Variants in OTOG observed in about 807,000 individuals in gnomAD.
OTOG encodes the protein otogelin.
In OTOG, 296 loss-of-function variants were observed where a neutral mutation model predicts 313.8. The observed-to-expected ratio is 0.94, with a 90% CI of 0.86 to 1.04. OTOG has a LOEUF of 1.04. OTOG is among the 50% of genes least tolerant of loss of function. OTOG has a pLI of 0.00. For synonymous variants in OTOG, 1,533 were observed against 1,554.9 expected, an observed-to-expected ratio of 0.99 and a Z score of 0.33; for missense variants, 3,948 against 3,840.1, an observed-to-expected ratio of 1.03 and a Z score of -0.74.
Position 17,634,113 on chromosome 11 carries a change from TG to T in OTOG, c.7314del (p.Trp2438Ter). The T allele has an allele frequency of 6.5e-7, 1 of 1,548,664 alleles. No individual in the cohort carries two copies. The highest frequency in any genetic ancestry group is 8.7e-7 in the Non-Finnish European group (1 of 1,146,900). On this transcript the variant is annotated frameshift_variant, in exon 44 of 56. Transcript: ENST00000399397. LOFTEE classifies it high-confidence loss of function. The stretch of plus-strand genomic sequence containing the variant: ...GGTGCCGAGGGCCCTGGGGGAGACC[TG>T]GAACAGCTCCCTCAGCGGCTGCTGC... ...MGVPRALGETWNSSLSGCCQH... is the reference protein window; with the variant it reads ...MGVPRALGETXNSSLSGCCQH...
At chr11:17,561,209 G>A in intron 14 of OTOG, 72 bp downstream of exon 14, 3 of 1,516,702 alleles carry the variant, frequency 2.0e-6, no homozygotes, top group Non-Finnish European at 2.7e-6. Flanking sequence ...AGGAATCTCT[G>A]GGGGCCAGGC....
chr11:17,558,164 G>A (rs1326292558), intron 8 of OTOG, 21 bp from the exon 9 acceptor site: 2 of 1,550,026 alleles, frequency 1.3e-6, no homozygotes, highest in Admixed American at 3.9e-5. Flanking sequence ...GCCCCATCAT[G>A]ATGTCAGCTC....
intron 47 of OTOG, among the ~76,000 whole-genome samples, chr11:17,638,184 T>G (rs1229116542): frequency 6.6e-6 from 1 of 152,128 alleles, no homozygotes; most frequent in Non-Finnish European, 1.5e-5. Flanking sequence ...TCTTGCAGGG[T>G]GACTGCAGAT....
In OTOG at chr11:17,639,428, G is replaced by C; in HGVS notation, c.7900G>C (p.Asp2634His). The C allele has an allele frequency of 6.4e-7, 1 of 1,550,740 alleles. No individual in the cohort carries two copies. The highest frequency in any genetic ancestry group is 8.7e-7 in the Non-Finnish European group (1 of 1,147,020). ...RCCPYKSCECDCDTIPVPRCH... is the reference protein window; with the variant it reads ...RCCPYKSCECHCDTIPVPRCH... ...TGGCCCCTTGTGTTTTTCAGAATGT[G>C]ACTGTGACACAATCCCGGTGCCCCG... Residue 2634 changes from aspartate (D) to histidine (H), a missense_variant, in exon 49 of 56, where the codon GAC (aspartate) becomes CAC (histidine). Coordinates refer to ENST00000399397, the MANE Select transcript of OTOG (RefSeq NM_001292063.2).
intron 24 of OTOG, 102 bp from the exon 25 acceptor site, chr11:17,591,348 G>T: frequency 1.4e-6 from 2 of 1,443,988 alleles, no homozygotes; most frequent in Non-Finnish European, 9.2e-7. Flanking sequence ...TCTTTGCCGA[G>T]GGACACAGTG....
intron 5 of OTOG, 60 bp downstream of exon 5, chr11:17,553,271 G>A (rs1851983779): frequency 1.3e-6 from 2 of 1,534,854 alleles, no homozygotes; most frequent in African/African-American, 2.7e-5. Flanking sequence ...AAGCTAGGGA[G>A]AAAGGGAGCA....
At chr11:17,639,298 A>C in intron 48 of OTOG, 125 bp from the exon 49 acceptor site, 2 of 997,270 alleles carry the variant, frequency 2.0e-6, no homozygotes, top group Non-Finnish European at 1.5e-6. Context: ...CTCCTCTCCC[A>C]GGCCTGGCCT....
Position 17,612,737 on chromosome 11 carries a change from A to G in OTOG, c.6410A>G (p.His2137Arg). The stretch of plus-strand genomic sequence containing the variant: ...AGCCCAGATGAAATGCTCACCGTCC[A>G]TGTACTGGACTGCAAAAGTGCCAAC... Reference protein sequence around the residue: ...SQSPDEMLTVHVLDCKSANLG... With the variant: ...SQSPDEMLTVRVLDCKSANLG... Residue 2137 changes from histidine to arginine, a missense_variant, in exon 38 of 56, where the codon CAT (histidine) becomes CGT (arginine). His to Arg is a conservative substitution (Grantham distance 29). Coordinates refer to ENST00000399397, the MANE Select transcript of OTOG (RefSeq NM_001292063.2). 6 of 1,550,552 alleles carry G rather than the reference A, an allele frequency of 3.9e-6. No individual in the cohort carries two copies. Among genetic ancestry groups the G allele is most frequent in the African/African-American group, 1.4e-5 (1 of 73,164 alleles).
intron 25 of OTOG, among the ~76,000 whole-genome samples, chr11:17,591,881 G>A (rs566958221): frequency 1.3e-5 from 2 of 152,158 alleles, no homozygotes; most frequent in Non-Finnish European, 2.9e-5. Context: ...GCTTTATTAT[G>A]TACCTAGGGG....
intron 22 of OTOG, among the ~76,000 whole-genome samples, chr11:17,577,818 C>T (rs1479352194): frequency 3.9e-5 from 6 of 152,298 alleles, no homozygotes; most frequent in East Asian, 1.9e-4. Flanking sequence ...AGATCACTCA[C>T]GCAGTGTGAA....
At chr11:17,632,649 TC>T (rs1168795510) in intron 42 of OTOG, among the ~76,000 whole-genome samples, 1 of 152,136 alleles carries the variant, frequency 6.6e-6, no homozygotes, top group East Asian at 1.9e-4. Context: ...TCCCTCTGCT[TC>T]CTTTTTGCTC....
Position 17,610,195 on chromosome 11 carries a change from C to T in OTOG, c.4895C>T (p.Thr1632Met), listed in dbSNP as rs781263629. ...VRGHGSLPVR[T>M]TPPQPSLTAS... ...GGCCATGGCTCCTTGCCTGTTAGGA[C>T]GACACCCCCACAGCCCTCCTTGACA... Residue 1632 changes from threonine to methionine, a missense_variant, in exon 36 of 56, where the codon ACG becomes ATG. Transcript: ENST00000399397. 7.7e-6 allele frequency: 12 copies of T among 1,550,534 alleles called. No individual in the cohort carries two copies. Among genetic ancestry groups the T allele is most frequent in the Middle Eastern group, 1.7e-4 (1 of 5,992 alleles).
intron 18 of OTOG, 52 bp from the exon 19 acceptor site, chr11:17,573,026 A>G: frequency 1.4e-6 from 2 of 1,450,522 alleles, no homozygotes; most frequent in Non-Finnish European, 1.9e-6. Context: ...ATCCTGGGAC[A>G]CCAGGTAGAC....
chr11:17,576,781 C>T (rs753504007), intron 21 of OTOG, 87 bp from the exon 22 acceptor site: 66 of 1,511,752 alleles, frequency 4.4e-5, no homozygotes, highest in East Asian at 3.2e-4. Context: ...TTTCTGAACT[C>T]TGCAGTGACC....
chr11:17,553,329 T>C, intron 5 of OTOG, 36 bp from the exon 6 acceptor site: 1 of 1,485,900 alleles, frequency 6.7e-7, no homozygotes. Flanking sequence ...GTGCCCACTG[T>C]AGCTACACAG....
At position 17,606,333 on chromosome 11, in the gene OTOG, A is replaced by G. The variant is rs543072302; in HGVS notation, c.4156+198A>G. 5.3e-5 allele frequency among the ~76,000 whole-genome samples: 8 copies of G among 152,378 alleles called. No homozygotes were observed. In the South Asian group the frequency reaches 1.7e-3, roughly 32 times the overall value. On this transcript the variant is annotated intron_variant, in intron 33 of 55. Transcript: ENST00000399397. ...GTTGACAGCTTAGGGAGCCACGGAC[A>G]GTGTGCTTGGGGTCCAGCCAATTTC...
chr11:17,586,426 C>T, intron 23 of OTOG, 48 bp from the exon 24 acceptor site: 2 of 1,175,560 alleles, frequency 1.7e-6, no homozygotes, highest in Non-Finnish European at 2.2e-6. Flanking sequence ...CAGATGGCAG[C>T]TATGGGAAGA....
Position 17,640,835 on chromosome 11 carries a change from C to A in OTOG, c.8011+15C>A. 6.5e-7 allele frequency: 1 copy of A among 1,550,180 alleles called. No homozygotes were observed. The highest frequency in any genetic ancestry group is 8.7e-7 in the Non-Finnish European group (1 of 1,146,986). On this transcript the variant is annotated intron_variant, in intron 50 of 55. Transcript: ENST00000399397. The stretch of plus-strand genomic sequence containing the variant: ...GTACGAGTGTGGTGAGTGGGGGAAG[C>A]CTCGGGGCAGAGCCATGCAGGAGGG...
chr11:17,636,174 T>C (rs1854262035), intron 47 of OTOG, among the ~76,000 whole-genome samples: 1 of 152,224 alleles, frequency 6.6e-6, no homozygotes. Flanking sequence ...GTATGCTTTT[T>C]CCAATATTTT....
Sources: gnomAD v4.1 joint callset for allele counts (sites outside exome capture counted in the v4.1 genomes callset) on GRCh38, gnomAD v4.1.1 for gene constraint, MANE v1.5 for transcripts, NCBI Gene and HGNC (gene_info 2026-07-23, HGNC 2026-07-21) for gene names.